LCN12: variants seen among roughly 807,000 people sequenced by gnomAD.
The protein encoded by LCN12 is epididymal-specific lipocalin-12.
Under a neutral mutation model 23.7 loss-of-function variants are expected in LCN12, and 15 were observed. The observed-to-expected ratio is 0.63, with a 90% CI of 0.42 to 0.97. The LOEUF (loss-of-function observed/expected upper bound fraction) is 0.97. Among genes scored for constraint, LCN12 ranks in the 50% least tolerant of loss-of-function variants. The pLI is 0.00. For synonymous variants in LCN12, 116 were observed against 111.5 expected (o/e 1.04, Z -0.25); for missense variants, 219 against 249.6 (o/e 0.88, Z 0.83).
chr9:136,952,295 C>G lies in LCN12; in HGVS notation c.-33C>G. ...GTCACCTGCCCATGGCCACTTCCTT[C>G]TCTCTGTCCCTGTGGGCCCAGCAGC... On this transcript the variant is annotated 5_prime_UTR_variant, in exon 1 of 6. Coordinates refer to ENST00000371633, the MANE Select transcript of LCN12 (RefSeq NM_178536.4). 6.6e-7 allele frequency: 1 copy of G among 1,512,358 alleles called. No individual in the cohort carries two copies. The highest frequency in any genetic ancestry group is 9.1e-7 in the Non-Finnish European group (1 of 1,097,774). The allele number at this position is 1,512,358 out of a possible 1,614,324, so 93.7% of individuals were successfully genotyped here.
chr9:136,950,132 G>C (rs967841018), upstream of LCN12, among the ~76,000 whole-genome samples: 1 of 152,250 alleles, frequency 6.6e-6, no homozygotes, highest in East Asian at 1.9e-4. Flanking sequence ...CTGATTGGGC[G>C]GCGGAGGTCA....
At chr9:136,954,894 C>T (rs1851286115) in intron 5 of LCN12, 1 of 1,229,506 alleles carries the variant, frequency 8.1e-7, no homozygotes, top group African/African-American at 1.6e-5. Flanking sequence ...GCCTCTGGTC[C>T]TTTACATGTG....
chr9:136,952,291 C>T lies in LCN12; in HGVS notation c.-37C>T, dbSNP rs752472265. The T allele has an allele frequency of 5.4e-6, 8 of 1,491,272 alleles. No homozygotes were observed. The East Asian group carries it at 1.6e-4, about 30-fold the overall frequency. The allele number at this position is 1,491,272 out of a possible 1,614,324, so 92.4% of individuals were successfully genotyped here. On this transcript the variant is annotated 5_prime_UTR_variant, in exon 1 of 6. Coordinates refer to ENST00000371633, the MANE Select transcript of LCN12 (RefSeq NM_178536.4). ...CTGGGTCACCTGCCCATGGCCACTT[C>T]CTTCTCTCTGTCCCTGTGGGCCCAG... is the stretch of plus-strand genomic sequence containing the variant.
chr9:136,955,318 T>C (rs779023821), intron 5 of LCN12, 53 bp from the exon 6 acceptor site: 2 of 1,592,934 alleles, frequency 1.3e-6, no homozygotes, highest in African/African-American at 2.7e-5. Context: ...CCTCCTGGGC[T>C]CTGTCCCCTG....
At position 136,953,726 on chromosome 9, in the gene LCN12, A is replaced by C; in HGVS notation, c.278A>C (p.Tyr93Ser). 6.2e-7 allele frequency: 1 copy of C among 1,602,594 alleles called. No individual in the cohort carries two copies. The highest frequency in any genetic ancestry group is 1.1e-5 in the South Asian group (1 of 88,652). ...TRGQHCDTWSYVLIPAAQPGQ... is the reference protein window; with the variant it reads ...TRGQHCDTWSSVLIPAAQPGQ... ...GGCCAGCACTGTGACACATGGTCTT[A>C]TGTGCTGATACCGGCAGCCCAGCCT... is the stretch of plus-strand genomic sequence containing the variant. The change falls in exon 3 of 6, where the codon TAT becomes TCT. Residue 93 changes from tyrosine to serine, a missense_variant. By Grantham distance (144) the Tyr-to-Ser change is moderately radical. Coordinates refer to ENST00000371633, the MANE Select transcript of LCN12 (RefSeq NM_178536.4).
upstream of LCN12, chr9:136,952,238 C>A: frequency 1.1e-6 from 1 of 896,732 alleles, no homozygotes; most frequent in Non-Finnish European, 1.8e-6. Flanking sequence ...GGGGCACCTG[C>A]TGGGTATGTG....
intron 5 of LCN12, 67 bp downstream of exon 5, chr9:136,954,322 AC>A: frequency 6.6e-7 from 1 of 1,507,190 alleles, no homozygotes; most frequent in Non-Finnish European, 9.0e-7. Context: ...AGTTTGGTTG[AC>A]CCTAGAGGAG....
At chr9:136,953,534 G>C (rs1389774835) in intron 2 of LCN12, 166 bp from the exon 3 acceptor site, 1 of 589,020 alleles carries the variant, frequency 1.7e-6, no homozygotes, top group African/African-American at 1.9e-5. Context: ...TCAGGAGTTT[G>C]AGACCAGCCT....
At position 136,953,029 on chromosome 9, in the gene LCN12, G is replaced by C. The variant is rs112444195; in HGVS notation, c.251+1G>C. 133 of 1,613,274 alleles carry C rather than the reference G, an allele frequency of 8.2e-5. No individual in the cohort carries two copies. Among genetic ancestry groups the C allele is most frequent in the Non-Finnish European group, 5.7e-5 (67 of 1,179,860 alleles). ...TTGAGGTGTGGAATGCGATGACTCG[G>C]TGAGTGGCTGTCCCTGCCGTTCCAA... On this transcript the variant is annotated splice_donor_variant, in intron 2 of 5. Transcript: ENST00000371633. LOFTEE classifies it high-confidence loss of function.
upstream of LCN12, among the ~76,000 whole-genome samples, chr9:136,949,210 A>T (rs1291620266): frequency 6.6e-6 from 1 of 152,240 alleles, no homozygotes; most frequent in Admixed American, 6.5e-5. Flanking sequence ...CTGGGTGGGC[A>T]ACATAGTGAG....
At position 136,953,883 on chromosome 9, in the gene LCN12, G is replaced by C. The variant is rs755949761; in HGVS notation, c.367G>C (p.Asp123His). Residue 123 changes from aspartate to histidine, a missense_variant, in exon 4 of 6, where the codon GAC becomes CAC. Asp to His is a moderately conservative substitution (Grantham distance 81). Coordinates refer to ENST00000371633, the MANE Select transcript of LCN12 (RefSeq NM_178536.4). ...GGACAGAGAGGAGACCCGGGTGGTGGACAGCGACTACACCCAGTTCGCCCT... is the reference window on the plus strand; with the variant it reads ...GGACAGAGAGGAGACCCGGGTGGTGCACAGCGACTACACCCAGTTCGCCCT... ...GADREETRVVDSDYTQFALML... is the reference protein window; with the variant it reads ...GADREETRVVHSDYTQFALML... The C allele has an allele frequency of 6.2e-7, 1 of 1,607,736 alleles. No individual in the cohort carries two copies. Among genetic ancestry groups the C allele is most frequent in the African/African-American group, 1.3e-5 (1 of 74,992 alleles).
At chr9:136,950,416 A>G (rs2131372101), upstream of LCN12, among the ~76,000 whole-genome samples, 1 of 151,768 alleles carries the variant, frequency 6.6e-6, no homozygotes, top group Admixed American at 6.5e-5. Context: ...GACTCGGCCC[A>G]CCCGACCTCT....
At chr9:136,955,926 A>G (rs1851312147), downstream of LCN12, among the ~76,000 whole-genome samples, 1 of 152,150 alleles carries the variant, frequency 6.6e-6, no homozygotes, top group African/African-American at 2.4e-5. Context: ...GGGTCCCAGA[A>G]CAGGAGGAGG....
intron 2 of LCN12, chr9:136,953,369 GC>G: frequency 2.1e-5 from 2 of 93,966 alleles, no homozygotes; most frequent in Non-Finnish European, 3.9e-5. Flanking sequence ...CACTTTGGGG[GC>G]CGGGCGCGGT....
rs779483212 is a variant in LCN12, at chr9:136,954,181, C to T, written c.476C>T (p.Thr159Met). Reference protein sequence around the residue: ...LGRSWLLPPGTLDQFICLGRA... With the variant: ...LGRSWLLPPGMLDQFICLGRA... ...AGGAGCTGGTTGCTGCCTCCCGGGA[C>T]GCTGGACCAGTTCATCTGCCTGGGC... Residue 159 changes from threonine (T) to methionine (M), a missense_variant, in exon 5 of 6, where the codon ACG becomes ATG. By Grantham distance (81) the Thr-to-Met change is moderately conservative (BLOSUM62 -1). Transcript: ENST00000371633. The T allele has an allele frequency of 9.8e-5, 154 of 1,570,076 alleles. No individual in the cohort carries two copies. The highest frequency in any genetic ancestry group is 1.7e-4 in the Middle Eastern group (1 of 6,024).
intron 1 of LCN12, 30 bp from the exon 2 acceptor site, chr9:136,952,862 C>CCCCCCCCCCG: frequency 6.3e-7 from 1 of 1,591,854 alleles, no homozygotes; most frequent in Non-Finnish European, 8.6e-7. Flanking sequence ...CCCTGCCCAC[C>CCCCCCCCCCG]GCCGCCCCTG....
upstream of LCN12, among the ~76,000 whole-genome samples, chr9:136,951,638 G>T (rs1216195209): frequency 6.6e-6 from 1 of 152,222 alleles, no homozygotes; most frequent in Non-Finnish European, 1.5e-5. Context: ...CTCCCTCTGG[G>T]CAGAGACTGC....
intron 5 of LCN12, chr9:136,954,745 G>A (rs1396980790): frequency 1.7e-5 from 22 of 1,290,644 alleles, no homozygotes; most frequent in Admixed American, 2.3e-5. Context: ...GACCTCAGCA[G>A]CCTGCCCTGG....
chr9:136,954,791 G>A, intron 5 of LCN12: 1 of 1,290,064 alleles, frequency 7.8e-7, no homozygotes, highest in South Asian at 1.2e-5. Flanking sequence ...GACAGCCGCG[G>A]CCCCCAAGGC....
Sources: allele counts gnomAD v4.1 joint callset (sites outside exome capture counted in the v4.1 genomes callset), GRCh38; gene constraint gnomAD v4.1.1; transcripts MANE v1.5; gene names NCBI Gene and HGNC (gene_info 2026-07-23, HGNC 2026-07-21).